Variants in NYAP2 observed in about 807,000 individuals in gnomAD.
NYAP2 encodes neuronal tyrosine-phosphorylated phosphoinositide-3-kinase adapter 2.
Under a neutral mutation model 50.4 loss-of-function variants are expected in NYAP2, and 23 were observed. The ratio of observed to expected loss-of-function variants is 0.46; its 90% confidence interval spans 0.33 to 0.65. NYAP2 has a LOEUF of 0.65. Ranked by LOEUF, NYAP2 falls within the 30% of genes least tolerant of loss-of-function variation. The pLI, the probability that NYAP2 is intolerant of heterozygous loss-of-function variation, is 0.02. For synonymous variants in NYAP2, 394 were observed against 365.2 expected (o/e 1.08, Z -0.90); for missense variants, 885 against 861.0 (o/e 1.03, Z -0.35).
At chr2:225,513,336 T>C (rs201248179) in intron 3 of NYAP2, 35 bp from the exon 4 acceptor site, 400 of 1,607,216 alleles carry the variant, frequency 2.5e-4, no homozygotes, top group Non-Finnish European at 3.3e-4. Flanking sequence ...TGGCTCCTTT[T>C]GTCTTCATGG....
At chr2:225,563,820 C>T (rs1184803356) in intron 4 of NYAP2, among the ~76,000 whole-genome samples, 2 of 152,068 alleles carry the variant, frequency 1.3e-5, no homozygotes, top group Non-Finnish European at 2.9e-5. Context: ...GTTAATATTA[C>T]TCAAATTGTC....
At chr2:225,622,541 CTTTCTTTCTTTCTTTCTT>C (rs775009769) in intron 5 of NYAP2, among the ~76,000 whole-genome samples, 11,813 of 64,416 alleles carry the variant, frequency 0.18, 929 homozygotes, top group Admixed American at 0.33. Context: ...TTCTTTCTTT[CTTTCTTTCTTTCTTTCTT>C]TTTCTTTCTT....
At chr2:225,575,217 A>G (rs780227951) in intron 4 of NYAP2, among the ~76,000 whole-genome samples, 8 of 152,054 alleles carry the variant, frequency 5.3e-5, no homozygotes, top group Non-Finnish European at 1.0e-4. Context: ...CCAGCCTCCA[A>G]TATCAATTTC....
chr2:225,619,740 T>C (rs147715020), intron 5 of NYAP2, among the ~76,000 whole-genome samples: 54 of 152,312 alleles, frequency 3.5e-4, no homozygotes, highest in African/African-American at 1.2e-3. Flanking sequence ...TGGATTAGAA[T>C]CCTGGAGAGA....
intron 5 of NYAP2, among the ~76,000 whole-genome samples, chr2:225,583,439 T>G (rs1410064037): frequency 1.3e-5 from 2 of 152,132 alleles, no homozygotes; most frequent in African/African-American, 2.4e-5. Context: ...ATGTGTTAAT[T>G]CACTTTTGCC....
intron 2 of NYAP2, among the ~76,000 whole-genome samples, chr2:225,402,281 A>T (rs1694876109): frequency 6.6e-6 from 1 of 152,022 alleles, no homozygotes; most frequent in South Asian, 2.1e-4. Context: ...AATCCTAGAC[A>T]CAAGAAGGTT....
intron 4 of NYAP2, among the ~76,000 whole-genome samples, chr2:225,571,238 G>A (rs1692066634): frequency 6.6e-6 from 1 of 152,322 alleles, no homozygotes; most frequent in South Asian, 2.1e-4. Context: ...GGTGCAAGCT[G>A]TTAGTGGATC....
chr2:225,644,346 T>C (rs1486408545), intron 6 of NYAP2, among the ~76,000 whole-genome samples: 1 of 151,542 alleles, frequency 6.6e-6, no homozygotes, highest in Non-Finnish European at 1.5e-5. Context: ...TATTAGCCCT[T>C]TGTCAGATGA....
At chr2:225,633,615 A>C (rs556161154) in intron 6 of NYAP2, among the ~76,000 whole-genome samples, 2 of 152,308 alleles carry the variant, frequency 1.3e-5, no homozygotes, top group African/African-American at 4.8e-5. Flanking sequence ...CTAAGGAGAA[A>C]TATTTCTCCA....
rs141520005 is a variant in NYAP2, at chr2:225,454,458, G to A, written c.221+45357G>A. Among the ~76,000 whole-genome samples, 823 of 152,288 alleles carry A rather than the reference G, an allele frequency of 5.4e-3. 7 individuals are homozygous for A. Among genetic ancestry groups the A allele is most frequent in the African/African-American group, 0.019 (770 of 41,560 alleles). On this transcript the variant is annotated intron_variant, in intron 3 of 6. Coordinates refer to ENST00000636099, the Ensembl canonical transcript of NYAP2. The stretch of plus-strand genomic sequence containing the variant: ...TCTAGTGTCCTAGGAATTCAGTTAT[G>A]ATGGTGATATTAGCTTCAATTTTAG...
the NYAP2 span, among the ~76,000 whole-genome samples, chr2:225,695,539 T>C: frequency 6.6e-6 from 1 of 151,796 alleles, no homozygotes; most frequent in Non-Finnish European, 1.5e-5. Context: ...AAAACTTCTA[T>C]TGAAAGCCTA....
At chr2:225,409,032 A>T (rs1219230447) in exon 3 of NYAP2, 1 of 1,612,284 alleles carries the variant, frequency 6.2e-7, no homozygotes, top group Non-Finnish European at 8.5e-7. Flanking sequence ...CGCTTGAGAA[A>T]TGAAACTAAC....
At chr2:225,570,737 CT>C (rs1178973701) in intron 4 of NYAP2, among the ~76,000 whole-genome samples, 1 of 152,172 alleles carries the variant, frequency 6.6e-6, no homozygotes, top group African/African-American at 2.4e-5. Context: ...ATTCTGCCCC[CT>C]GGCCCCTCCC....
chr2:225,682,594 A>G, the NYAP2 span, among the ~76,000 whole-genome samples: 286 of 152,302 alleles, frequency 1.9e-3, no homozygotes, highest in African/African-American at 6.5e-3. Flanking sequence ...GAGACTTGTC[A>G]TTACGGTTTT....
At chr2:225,398,315 A>G (rs186241965), upstream of NYAP2, among the ~76,000 whole-genome samples, 350 of 152,212 alleles carry the variant, frequency 2.3e-3, 1 homozygote, top group Middle Eastern at 6.8e-3. Flanking sequence ...ACATATAGAA[A>G]TGGGCTTTAC....
chr2:225,427,357 AT>A (rs1311914290), intron 3 of NYAP2, among the ~76,000 whole-genome samples: 2 of 152,150 alleles, frequency 1.3e-5, no homozygotes, highest in African/African-American at 4.8e-5. Flanking sequence ...AGTCAAATAC[AT>A]TTTTCCTTTT....
At chr2:225,560,938 T>TTTC (rs1559214717) in intron 4 of NYAP2, among the ~76,000 whole-genome samples, 2 of 151,444 alleles carry the variant, frequency 1.3e-5, no homozygotes, top group African/African-American at 4.8e-5. Context: ...AAAACGTTTT[T>TTTC]TTTTTTTTTT....
chr2:225,486,400 G>C (rs1690299255), intron 3 of NYAP2, among the ~76,000 whole-genome samples: 1 of 152,154 alleles, frequency 6.6e-6, no homozygotes, highest in Non-Finnish European at 1.5e-5. Flanking sequence ...TGATTCTGTA[G>C]GAGGTAAATG....
chr2:225,625,784 G>A (rs1039041898), intron 5 of NYAP2, among the ~76,000 whole-genome samples: 26 of 152,106 alleles, frequency 1.7e-4, no homozygotes, highest in South Asian at 1.0e-3. Context: ...GCAACAGGAG[G>A]CTTCTGGAAG....
Sources: gnomAD v4.1 joint callset for allele counts (sites outside exome capture counted in the v4.1 genomes callset) on GRCh38, gnomAD v4.1.1 for gene constraint, MANE v1.5 for transcripts, NCBI Gene and HGNC (gene_info 2026-07-23, HGNC 2026-07-21) for gene names.